The following GPT2 variants were observed in gnomAD, a reference collection of about 807,000 sequenced individuals.
GPT2 encodes glutamic--pyruvic transaminase 2.
In GPT2, 30 loss-of-function variants were observed where a neutral mutation model predicts 56.9. That is an observed-to-expected ratio of 0.53 (90% CI 0.39 to 0.72). The LOEUF is 0.72. Among genes scored for constraint, GPT2 ranks in the 30% least tolerant of loss-of-function variants. The probability of loss-of-function intolerance (pLI) is 0.00; values close to 1 mark genes in which losing one functional copy is unlikely to be tolerated. For missense variants in GPT2, 542 were observed against 703.4 expected, an observed-to-expected ratio of 0.77 and a Z score of 2.60; for synonymous variants, 271 against 283.1, an observed-to-expected ratio of 0.96 and a Z score of 0.43.
At chr16:46,889,952 G>A (rs1049110862) in intron 2 of GPT2, among the ~76,000 whole-genome samples, 3 of 152,122 alleles carry the variant, frequency 2.0e-5, no homozygotes, top group South Asian at 2.1e-4. Flanking sequence ...TGAGCAACTC[G>A]CACTATCCTG....
chr16:46,900,010 G>A (rs771557166), intron 3 of GPT2, among the ~76,000 whole-genome samples: 1 of 152,212 alleles, frequency 6.6e-6, no homozygotes, highest in South Asian at 2.1e-4. Context: ...ATGAAGCCAG[G>A]CGCTCGCTGA....
chr16:46,909,542 A>T, intron 5 of GPT2, 142 bp from the exon 6 acceptor site: 1 of 892,810 alleles, frequency 1.1e-6, no homozygotes, highest in Non-Finnish European at 1.7e-6. Flanking sequence ...CCCTCATTTT[A>T]CAGATGAGGA....
chr16:46,922,142 G>A lies in GPT2; in HGVS notation c.1038-100G>A, dbSNP rs1275985167. ...GAACTCAGCCACACCTGGCCATTTG[G>A]TGTTGGGTGTGGGAATGCTTTCGAT... On this transcript the variant is annotated intron_variant, in intron 8 of 11. Coordinates refer to ENST00000340124, the MANE Select transcript of GPT2 (RefSeq NM_133443.4). 4 of 1,105,514 alleles carry A rather than the reference G, an allele frequency of 3.6e-6. No homozygotes were observed. The South Asian group carries it at 5.4e-5, about 15-fold the overall frequency. The allele number at this position is 1,105,514 out of a possible 1,614,324, so 68.5% of individuals were successfully genotyped here.
intron 7 of GPT2, among the ~76,000 whole-genome samples, chr16:46,917,478 A>T (rs1961191327): frequency 6.6e-6 from 1 of 152,116 alleles, no homozygotes; most frequent in African/African-American, 2.4e-5. Flanking sequence ...TTAACCCGGT[A>T]CCTGTTGCTT....
chr16:46,885,222 C>T, intron 2 of GPT2: 2 of 1,232,306 alleles, frequency 1.6e-6, no homozygotes, highest in Non-Finnish European at 2.0e-6. Flanking sequence ...CCAGGCACCG[C>T]ACGTTGTGTG....
chr16:46,908,089 A>G (rs1337003659), intron 5 of GPT2, among the ~76,000 whole-genome samples: 35 of 79,318 alleles, frequency 4.4e-4, no homozygotes, highest in African/African-American at 5.1e-4. Flanking sequence ...GGGGACTGGT[A>G]GAGGTTTCAG....
At chr16:46,885,140 G>C (rs1170838188) in intron 2 of GPT2, 182 bp downstream of exon 2, 2 of 1,342,704 alleles carry the variant, frequency 1.5e-6, no homozygotes, top group Non-Finnish European at 1.9e-6. Context: ...CCAGCACCGG[G>C]CACTCAGTGA....
chr16:46,920,836 T>C (rs1474398058), intron 8 of GPT2, among the ~76,000 whole-genome samples: 1 of 152,140 alleles, frequency 6.6e-6, no homozygotes, highest in African/African-American at 2.4e-5. Flanking sequence ...GAACTCAGTT[T>C]TCAAACTCAA....
intron 2 of GPT2, among the ~76,000 whole-genome samples, chr16:46,886,100 G>A (rs1331987459): frequency 6.6e-6 from 1 of 152,136 alleles, no homozygotes; most frequent in Non-Finnish European, 1.5e-5. Context: ...TCAAAACAGT[G>A]AGCTGGACAA....
chr16:46,884,435 C>A lies in GPT2; in HGVS notation c.-55C>A. 3.5e-6 allele frequency: 1 copy of A among 286,268 alleles called. No homozygotes were observed. Among genetic ancestry groups the A allele is most frequent in the Non-Finnish European group, 6.4e-6 (1 of 155,398 alleles). 17.7% of individuals were successfully genotyped at this position (286,268 alleles called of 1,614,324 possible). ...TAGCTGCTCCAGGCGCGCGAGCTAA[C>A]CGAGTGCGGCGAGGGCCTACCAGGG... On this transcript the variant is annotated 5_prime_UTR_variant, in exon 1 of 12. Coordinates refer to ENST00000340124, the MANE Select transcript of GPT2 (RefSeq NM_133443.4).
intron 2 of GPT2, among the ~76,000 whole-genome samples, chr16:46,889,105 C>A (rs950843140): frequency 6.6e-6 from 1 of 152,116 alleles, no homozygotes; most frequent in African/African-American, 2.4e-5. Flanking sequence ...CAGCTCACTG[C>A]AGCCTCAACT....
intron 2 of GPT2, among the ~76,000 whole-genome samples, chr16:46,885,848 C>A (rs1282300833): frequency 6.6e-6 from 1 of 152,028 alleles, no homozygotes; most frequent in Non-Finnish European, 1.5e-5. Flanking sequence ...AGTAAATACT[C>A]CTAAGATTTG....
chr16:46,916,495 G>T lies in GPT2; in HGVS notation c.821-133G>T, dbSNP rs147222629. 3.0e-4 allele frequency: 211 copies of T among 715,012 alleles called. 1 individual carries two copies. In the East Asian group the frequency reaches 5.0e-3, roughly 17 times the overall value. 44.3% of individuals were successfully genotyped at this position (715,012 alleles called of 1,614,324 possible). ...TCATGCATGGCAGCTGGGGAGGGGG[G>T]CCTCTGCGGGGAGGGTGTTCTATGG... On this transcript the variant is annotated intron_variant, in intron 6 of 11. Transcript: ENST00000340124.
At chr16:46,901,471 G>A (rs1960815876) in intron 4 of GPT2, among the ~76,000 whole-genome samples, 1 of 152,208 alleles carries the variant, frequency 6.6e-6, no homozygotes, top group East Asian at 1.9e-4. Context: ...CAGCCTCTGG[G>A]CCTCCAGGTT....
intron 9 of GPT2, among the ~76,000 whole-genome samples, chr16:46,923,342 CA>C (rs1961335931): frequency 6.6e-6 from 1 of 152,184 alleles, no homozygotes; most frequent in African/African-American, 2.4e-5. Flanking sequence ...CCTGTTATCC[CA>C]ACTACTCGGG....
chr16:46,885,533 C>A, intron 2 of GPT2: 1 of 985,208 alleles, frequency 1.0e-6, no homozygotes, highest in Non-Finnish European at 1.2e-6. Context: ...CCCTCTGGAG[C>A]CTTGGCCGAC....
At chr16:46,909,136 G>A (rs1479144360) in intron 5 of GPT2, among the ~76,000 whole-genome samples, 1 of 152,034 alleles carries the variant, frequency 6.6e-6, no homozygotes, top group African/African-American at 2.4e-5. Context: ...TCCAACCTTG[G>A]GCACTAATAC....
intron 7 of GPT2, among the ~76,000 whole-genome samples, chr16:46,917,502 T>G (rs941584022): frequency 5.3e-5 from 8 of 152,306 alleles, no homozygotes; most frequent in Middle Eastern, 3.4e-3. Flanking sequence ...GAACTCCAGT[T>G]CTGGAACCAG....
In GPT2 at chr16:46,922,335, C is replaced by T. The variant is rs775867632; in HGVS notation, c.1131C>T (p.Pro377=). The T allele has an allele frequency of 2.5e-6, 4 of 1,614,190 alleles. No homozygotes were observed. The highest frequency in any genetic ancestry group is 4.5e-5 in the East Asian group (2 of 44,890). The change falls in exon 9 of 12, where the codon CCC becomes CCT. Residue 377 remains proline (P), a synonymous_variant. Transcript: ENST00000340124. Reference sequence around the variant, plus strand: ...AGCTGCTGTCGGTGCGCCTGTGCCCCCCAGTGTCTGGGCAGGCCGCCATGG... The same window carrying T: ...AGCTGCTGTCGGTGCGCCTGTGCCCTCCAGTGTCTGGGCAGGCCGCCATGG... ...LVKLLSVRLC[P]PVSGQAAMDI...
Sources: allele counts gnomAD v4.1 joint callset (sites outside exome capture counted in the v4.1 genomes callset), GRCh38; gene constraint gnomAD v4.1.1; transcripts MANE v1.5; gene names NCBI Gene and HGNC (gene_info 2026-07-23, HGNC 2026-07-21).